NRG3: variants seen among roughly 807,000 people sequenced by gnomAD.
NRG3 encodes the protein neuregulin 3.
Under a neutral mutation model 66.9 loss-of-function variants are expected in NRG3, and 31 were observed. That is an observed-to-expected ratio of 0.46 (90% confidence interval 0.35 to 0.63). The LOEUF (loss-of-function observed/expected upper bound fraction) is 0.63, where lower values mean the gene tolerates loss of function less well. Ranked by LOEUF, NRG3 falls within the 20% of genes least tolerant of loss-of-function variation. NRG3 has a pLI of 0.00. For synonymous variants in NRG3, 393 were observed against 359.4 expected (o/e 1.09, Z -1.06); for missense variants, 910 against 878.9 (o/e 1.04, Z -0.45).
chr10:82,104,244 C>T (rs1049558883), intron 1 of NRG3, among the ~76,000 whole-genome samples: 1 of 152,064 alleles, frequency 6.6e-6, no homozygotes, highest in Non-Finnish European at 1.5e-5. Flanking sequence ...ACAGCAGAAG[C>T]CCAGGTTAGG....
intron 2 of NRG3, among the ~76,000 whole-genome samples, chr10:82,568,721 G>T (rs938777794): frequency 1.3e-5 from 2 of 151,762 alleles, no homozygotes; most frequent in African/African-American, 4.8e-5. Flanking sequence ...TCATTTCTCA[G>T]TTCAAATTAC....
chr10:82,290,871 C>T (rs373127241), intron 1 of NRG3, among the ~76,000 whole-genome samples: 425 of 151,652 alleles, frequency 2.8e-3, no homozygotes, highest in African/African-American at 9.6e-3. Flanking sequence ...TCTCGATCTC[C>T]TGACATCGTG....
intron 4 of NRG3, among the ~76,000 whole-genome samples, chr10:82,866,190 A>G (rs1309294553): frequency 1.3e-5 from 2 of 151,928 alleles, no homozygotes; most frequent in African/African-American, 2.4e-5. Flanking sequence ...AATTGAGAAG[A>G]TCTAAATTTG....
intron 2 of NRG3, among the ~76,000 whole-genome samples, chr10:82,547,851 A>G (rs2044031422): frequency 6.6e-6 from 1 of 152,128 alleles, no homozygotes; most frequent in African/African-American, 2.4e-5. Flanking sequence ...AGTATGTACA[A>G]TTAGTAACAA....
At chr10:82,817,116 G>T (rs1378337492) in intron 3 of NRG3, among the ~76,000 whole-genome samples, 1 of 152,168 alleles carries the variant, frequency 6.6e-6, no homozygotes, top group Non-Finnish European at 1.5e-5. Context: ...TTCCAGTCTT[G>T]CATTGTGCAT....
intron 1 of NRG3, among the ~76,000 whole-genome samples, chr10:82,124,335 C>G (rs1454893791): frequency 6.6e-6 from 1 of 152,068 alleles, no homozygotes; most frequent in Admixed American, 6.6e-5. Flanking sequence ...TAATTATTAA[C>G]TTACATTGGA....
intron 2 of NRG3, among the ~76,000 whole-genome samples, chr10:82,732,585 C>T (rs974152707): frequency 2.0e-5 from 3 of 152,138 alleles, no homozygotes; most frequent in Non-Finnish European, 4.4e-5. Context: ...TCTGTTTCTT[C>T]AGTTGAAAAG....
intron 4 of NRG3, among the ~76,000 whole-genome samples, chr10:82,913,979 C>T (rs1393317792): frequency 1.3e-5 from 2 of 151,922 alleles, no homozygotes; most frequent in African/African-American, 4.8e-5. Flanking sequence ...TGTTCTGTTC[C>T]ACTGTGTGTT....
chr10:82,175,171 C>T (rs2072934534), intron 1 of NRG3, among the ~76,000 whole-genome samples: 1 of 152,120 alleles, frequency 6.6e-6, no homozygotes. Context: ...CTGCTCTGGG[C>T]CATCCCCTCA....
At chr10:82,769,468 G>A (rs1371699450) in intron 3 of NRG3, among the ~76,000 whole-genome samples, 3 of 151,866 alleles carry the variant, frequency 2.0e-5, no homozygotes, top group Admixed American at 6.6e-5. Flanking sequence ...TTGAATTTAG[G>A]AAAATTAATA....
intron 8 of NRG3, among the ~76,000 whole-genome samples, chr10:82,981,582 C>T (rs1267549423): frequency 6.6e-6 from 1 of 152,174 alleles, no homozygotes; most frequent in East Asian, 1.9e-4. Context: ...TCCTTGTTTA[C>T]CAAGCAAGTG....
chr10:82,973,736 G>T lies in NRG3; in HGVS notation c.1285-52G>T, dbSNP rs1851986124. ...TCAATGCTTAGCTCTGGTGTTATAGGCCCTCCATAATGTATCCTTCGTCTC... is the reference window on the plus strand; with the variant it reads ...TCAATGCTTAGCTCTGGTGTTATAGTCCCTCCATAATGTATCCTTCGTCTC... On this transcript the variant is annotated intron_variant, in intron 6 of 8. Transcript: ENST00000372141. 59 of 1,606,090 alleles carry T rather than the reference G, an allele frequency of 3.7e-5. 2 individuals are homozygous for T. The South Asian group carries it at 6.4e-4, about 17-fold the overall frequency.
At chr10:82,869,560 C>CTTTT (rs932268665) in intron 4 of NRG3, among the ~76,000 whole-genome samples, 1 of 111,534 alleles carries the variant, frequency 9.0e-6, no homozygotes, top group African/African-American at 3.6e-5. Flanking sequence ...AACCACTGGT[C>CTTTT]TTTTTTATTT....
At chr10:82,900,389 A>AT (rs1432694083) in intron 4 of NRG3, among the ~76,000 whole-genome samples, 1 of 151,934 alleles carries the variant, frequency 6.6e-6, no homozygotes, top group Admixed American at 6.6e-5. Flanking sequence ...ATTGTTAACA[A>AT]TTTTTTTCTC....
At chr10:82,848,323 T>C (rs1479954430) in intron 3 of NRG3, among the ~76,000 whole-genome samples, 1 of 152,202 alleles carries the variant, frequency 6.6e-6, no homozygotes, top group Non-Finnish European at 1.5e-5. Flanking sequence ...TGGATTCAAA[T>C]GAGATCATTT....
intron 1 of NRG3, among the ~76,000 whole-genome samples, chr10:82,246,516 C>T (rs776039870): frequency 2.0e-5 from 3 of 152,128 alleles, no homozygotes; most frequent in Non-Finnish European, 4.4e-5. Flanking sequence ...AATGAGGGCA[C>T]CTACTCTTTT....
chr10:82,229,190 A>C (rs1449859890), intron 1 of NRG3: 1 of 152,194 alleles, frequency 6.6e-6, no homozygotes, highest in Non-Finnish European at 1.5e-5. Context: ...CACCATGTGT[A>C]AAAGGGACCA....
At chr10:82,603,979 T>C (rs1032451493) in intron 2 of NRG3, among the ~76,000 whole-genome samples, 3 of 152,064 alleles carry the variant, frequency 2.0e-5, no homozygotes, top group African/African-American at 7.2e-5. Flanking sequence ...TGCCTATCGG[T>C]TTTCCCTAAC....
At chr10:82,192,261 T>C (rs1382371076) in intron 1 of NRG3, among the ~76,000 whole-genome samples, 1 of 152,188 alleles carries the variant, frequency 6.6e-6, no homozygotes, top group Non-Finnish European at 1.5e-5. Flanking sequence ...GTACAATCAA[T>C]GTAATTGCCA....
Sources: allele counts gnomAD v4.1 joint callset (sites outside exome capture counted in the v4.1 genomes callset), GRCh38; gene constraint gnomAD v4.1.1; transcripts MANE v1.5; gene names NCBI Gene and HGNC (gene_info 2026-07-23, HGNC 2026-07-21).